The following C8A variants were observed in gnomAD, a reference collection of about 807,000 sequenced individuals.
The protein encoded by C8A is complement component C8 alpha chain.
In C8A, 67 loss-of-function variants were observed where a neutral mutation model predicts 65.3. The observed-to-expected ratio is 1.03, with a 90% CI of 0.84 to 1.26. The LOEUF (loss-of-function observed/expected upper bound fraction) is 1.26. Ranked by LOEUF, C8A falls within the 50% of genes most tolerant of loss-of-function variation. The probability of loss-of-function intolerance (pLI) is 0.00; values close to 1 mark genes in which losing one functional copy is unlikely to be tolerated. For synonymous variants in C8A, 290 were observed against 259.4 expected (o/e 1.12, Z -1.13); for missense variants, 781 against 723.9 (o/e 1.08, Z -0.90).
intron 2 of C8A, among the ~76,000 whole-genome samples, chr1:56,871,510 G>A (rs1218422323): frequency 6.6e-6 from 1 of 152,186 alleles, no homozygotes; most frequent in Non-Finnish European, 1.5e-5. Flanking sequence ...CATGTGTTAT[G>A]ATGAATCTTT....
At chr1:56,893,465 C>T (rs1184001718) in intron 7 of C8A, among the ~76,000 whole-genome samples, 1 of 152,122 alleles carries the variant, frequency 6.6e-6, no homozygotes, top group Non-Finnish European at 1.5e-5. Flanking sequence ...TGAGGAACAA[C>T]ACTTAATTTC....
intron 2 of C8A, among the ~76,000 whole-genome samples, chr1:56,873,579 C>T (rs917958002): frequency 1.3e-5 from 2 of 152,146 alleles, no homozygotes; most frequent in Non-Finnish European, 2.9e-5. Flanking sequence ...GATTTAGAAA[C>T]TGAGCCACAA....
At chr1:56,910,120 C>T (rs1025477284) in intron 9 of C8A, among the ~76,000 whole-genome samples, 17 of 152,124 alleles carry the variant, frequency 1.1e-4, no homozygotes, top group African/African-American at 3.9e-4. Context: ...TTATTTGGAG[C>T]CTGATGTTCA....
intron 4 of C8A, among the ~76,000 whole-genome samples, chr1:56,877,013 G>A (rs1001174344): frequency 6.6e-6 from 1 of 152,182 alleles, no homozygotes; most frequent in African/African-American, 2.4e-5. Flanking sequence ...AGGTCATAGG[G>A]TAGGACCCTA....
intron 4 of C8A, among the ~76,000 whole-genome samples, chr1:56,876,991 T>G (rs1006065746): frequency 1.3e-5 from 2 of 152,150 alleles, no homozygotes; most frequent in African/African-American, 4.8e-5. Context: ...GAGAGGTAAT[T>G]AAGGTTAAAT....
chr1:56,856,336 A>G (rs956279297), intron 1 of C8A, among the ~76,000 whole-genome samples: 1 of 152,134 alleles, frequency 6.6e-6, no homozygotes. Flanking sequence ...CAATGGGAGG[A>G]AAGTAAGAAC....
chr1:56,875,476 C>A (rs1644189385), intron 3 of C8A, among the ~76,000 whole-genome samples: 1 of 152,130 alleles, frequency 6.6e-6, no homozygotes, highest in South Asian at 2.1e-4. Flanking sequence ...TTAATTACAA[C>A]ACTGTGTGAT....
intron 1 of C8A, among the ~76,000 whole-genome samples, chr1:56,864,752 G>A (rs992307984): frequency 2.0e-5 from 3 of 152,152 alleles, no homozygotes; most frequent in East Asian, 1.9e-4. Flanking sequence ...GGGATGGGAG[G>A]GCTTGTGCCT....
At chr1:56,863,110 T>G (rs1557696298) in intron 1 of C8A, among the ~76,000 whole-genome samples, 2 of 152,180 alleles carry the variant, frequency 1.3e-5, no homozygotes, top group Non-Finnish European at 2.9e-5. Flanking sequence ...CAGTATGACC[T>G]CAATATGTTA....
At chr1:56,878,193 A>G (rs925812389) in intron 4 of C8A, among the ~76,000 whole-genome samples, 1 of 152,066 alleles carries the variant, frequency 6.6e-6, no homozygotes, top group African/African-American at 2.4e-5. Flanking sequence ...CTCACATTGG[A>G]TAACAGCCCA....
intron 6 of C8A, among the ~76,000 whole-genome samples, chr1:56,885,396 A>ATATATATTTATTTAAATATATATT: frequency 2.0e-5 from 2 of 99,572 alleles, no homozygotes; most frequent in South Asian, 6.3e-4. Flanking sequence ...ATATATTTAA[A>ATATATATTTATTTAAATATATATT]TAAATATATA....
chr1:56,868,204 C>T (rs985002101), intron 2 of C8A, among the ~76,000 whole-genome samples: 2 of 151,606 alleles, frequency 1.3e-5, no homozygotes. Context: ...CAAAATGATC[C>T]CTAGTACCAT....
chr1:56,904,304 C>T lies in C8A; in HGVS notation c.1097-2363C>T, dbSNP rs573891291. Reference sequence around the variant, plus strand: ...CTGATTTTGGCATCTCTTACAGCCTCTGATGAAAGACTCCTTTCTAGCCCT... The same window carrying T: ...CTGATTTTGGCATCTCTTACAGCCTTTGATGAAAGACTCCTTTCTAGCCCT... On this transcript the variant is annotated intron_variant, in intron 7 of 10. Coordinates refer to ENST00000361249, the MANE Select transcript of C8A (RefSeq NM_000562.3). 2.0e-5 allele frequency among the ~76,000 whole-genome samples: 3 copies of T among 152,314 alleles called. No homozygotes were observed. In the East Asian group the frequency reaches 5.8e-4, roughly 29 times the overall value.
intron 9 of C8A, among the ~76,000 whole-genome samples, chr1:56,910,627 A>G (rs1414530539): frequency 6.6e-6 from 1 of 152,150 alleles, no homozygotes; most frequent in East Asian, 1.9e-4. Context: ...CTTCCTAACA[A>G]TGGGACTGAA....
intron 4 of C8A, among the ~76,000 whole-genome samples, 186 bp from the exon 5 acceptor site, chr1:56,881,259 G>T (rs940983266): frequency 1.3e-5 from 2 of 152,156 alleles, no homozygotes; most frequent in African/African-American, 4.8e-5. Flanking sequence ...TCTCCTAAAA[G>T]CTGCTTTTGC....
At chr1:56,873,915 T>C (rs1644172172) in intron 2 of C8A, among the ~76,000 whole-genome samples, 1 of 152,184 alleles carries the variant, frequency 6.6e-6, no homozygotes. Flanking sequence ...TCTTCTACGC[T>C]AGTGCCTGAC....
At position 56,912,479 on chromosome 1, in the gene C8A, C is replaced by T. The variant is rs1165693137; in HGVS notation, c.1457C>T (p.Ala486Val). 6.2e-7 allele frequency: 1 copy of T among 1,614,220 alleles called. No homozygotes were observed. Among genetic ancestry groups the T allele is most frequent in the Non-Finnish European group, 8.5e-7 (1 of 1,180,040 alleles). ...LEAKRQNLRRALDQYLMEFNA... is the reference protein window; with the variant it reads ...LEAKRQNLRRVLDQYLMEFNA... The stretch of plus-strand genomic sequence containing the variant: ...GCCAAGCGCCAGAACCTGCGCCGCG[C>T]CTTGGACCAGTATCTGATGGAATTC... Residue 486 changes from alanine (A) to valine (V), a missense_variant, in exon 10 of 11, where the codon GCC becomes GTC. Coordinates refer to ENST00000361249, the MANE Select transcript of C8A (RefSeq NM_000562.3).
intron 7 of C8A, among the ~76,000 whole-genome samples, chr1:56,893,888 T>C (rs1644368057): frequency 6.6e-6 from 1 of 152,132 alleles, no homozygotes; most frequent in South Asian, 2.1e-4. Flanking sequence ...ACAGACAAAT[T>C]AGTTTACCTC....
chr1:56,907,005 T>A (rs1644471573), intron 8 of C8A, among the ~76,000 whole-genome samples: 1 of 152,178 alleles, frequency 6.6e-6, no homozygotes, highest in Non-Finnish European at 1.5e-5. Flanking sequence ...CCTACCTTTA[T>A]ACGGGGCACC....
Sources: gnomAD v4.1 joint callset for allele counts (sites outside exome capture counted in the v4.1 genomes callset) on GRCh38, gnomAD v4.1.1 for gene constraint, MANE v1.5 for transcripts, NCBI Gene and HGNC (gene_info 2026-07-23, HGNC 2026-07-21) for gene names.